The following RFTN1 variants were observed in gnomAD, a reference collection of about 807,000 sequenced individuals.
RFTN1 encodes the protein raftlin.
RFTN1 carries 26 observed loss-of-function variants against 46.5 expected under a neutral mutation model. The observed-to-expected ratio is 0.56, with a 90% CI of 0.41 to 0.78. RFTN1 has a LOEUF of 0.78. Ranked by LOEUF, RFTN1 falls within the 30% of genes least tolerant of loss-of-function variation. The pLI is 0.00. For missense variants in RFTN1, 693 were observed against 718.7 expected (o/e 0.96, Z 0.41); for synonymous variants, 261 against 284.2 (o/e 0.92, Z 0.82).
In RFTN1 at chr3:16,506,461, C is replaced by T. The variant is rs1489400540; in HGVS notation, c.-9+6981G>A. Among the ~76,000 whole-genome samples, 2 of 151,996 alleles carry T rather than the reference C, an allele frequency of 1.3e-5. No homozygotes were observed. The highest frequency in any genetic ancestry group is 3.9e-4 in the East Asian group (2 of 5,178). On this transcript the variant is annotated intron_variant, in intron 1 of 9. Transcript: ENST00000334133. The surrounding 1 kb of genome is among the most constrained non-coding windows in gnomAD (Gnocchi z 4.8). ...CATGACTGACCATGACAGCAGGGAA[C>T]CCAGATGACAGTAAGTAGAGGTGTG...
Position 16,509,240 on chromosome 3 carries a change from TCA to T in RFTN1, c.-9+4200_-9+4201del. ...AACTAAAGAAAATGATTGCAGTGTA[TCA>T]TTTCCTGTAACGCTGTTCTGATTAT... On this transcript the variant is annotated intron_variant, in intron 1 of 9. Transcript: ENST00000334133. The surrounding 1 kb of genome is among the most constrained non-coding windows in gnomAD (Gnocchi z 4.9). 2.0e-5 allele frequency among the ~76,000 whole-genome samples: 3 copies of T among 152,314 alleles called. No homozygotes were observed. In the East Asian group the frequency reaches 5.8e-4, roughly 29 times the overall value.
At chr3:16,330,246 C>G (rs2070175906) in intron 7 of RFTN1, among the ~76,000 whole-genome samples, 4 of 152,200 alleles carry the variant, frequency 2.6e-5, no homozygotes, top group Admixed American at 2.6e-4. Context: ...AGATGTTGCA[C>G]TCTGCCAGAC....
intron 3 of RFTN1, among the ~76,000 whole-genome samples, chr3:16,431,878 G>T (rs987138775): frequency 6.6e-6 from 1 of 152,162 alleles, no homozygotes; most frequent in Non-Finnish European, 1.5e-5. Flanking sequence ...GTGGGTAAAG[G>T]AACTCAGCAC....
rs1435358445 is a variant in RFTN1, at chr3:16,509,112, C to T, written c.-9+4330G>A. Among the ~76,000 whole-genome samples, 2 of 152,066 alleles carry T rather than the reference C, an allele frequency of 1.3e-5. No homozygotes were observed. The highest frequency in any genetic ancestry group is 2.9e-5 in the Non-Finnish European group (2 of 68,018). On this transcript the variant is annotated intron_variant, in intron 1 of 9. Transcript: ENST00000334133. The surrounding 1 kb of genome is among the most constrained non-coding windows in gnomAD (Gnocchi z 4.9). ...CAATAAAATTGTAATCCTAATCAAC[C>T]AATAATATTTTAAATTATCATCAAA...
In RFTN1 at chr3:16,483,132, C is replaced by T. The variant is rs1445212258; in HGVS notation, c.145+10593G>A. The stretch of plus-strand genomic sequence containing the variant: ...ATGTTATAGATGGATTTGTTATGTT[C>T]TAAAACTGCAGGTATCATATTTACA... On this transcript the variant is annotated intron_variant, in intron 2 of 9. Transcript: ENST00000334133. The surrounding 1 kb of genome is among the most constrained non-coding windows in gnomAD (Gnocchi z 4.8). Among the ~76,000 whole-genome samples, 1 of 152,146 alleles carries T rather than the reference C, an allele frequency of 6.6e-6. No homozygotes were observed.
chr3:16,327,572 A>G lies in RFTN1; in HGVS notation c.1147-696T>C, dbSNP rs2069837233. Among the ~76,000 whole-genome samples, 1 of 152,060 alleles carries G rather than the reference A, an allele frequency of 6.6e-6. No homozygotes were observed. Among genetic ancestry groups the G allele is most frequent in the African/African-American group, 2.4e-5 (1 of 41,396 alleles). ...CAGGAGATCAAGACCATCCTGGCTA[A>G]CACAGTGAAACCCCGTCTCTACTAA... On this transcript the variant is annotated intron_variant, in intron 7 of 9. Coordinates refer to ENST00000334133, the MANE Select transcript of RFTN1 (RefSeq NM_015150.2). The surrounding 1 kb of genome is among the most constrained non-coding windows in gnomAD (Gnocchi z 4.2).
Position 16,468,163 on chromosome 3 carries a change from G to A in RFTN1, c.145+25562C>T, listed in dbSNP as rs1207513555. Among the ~76,000 whole-genome samples the A allele has an allele frequency of 2.0e-5, 3 of 152,188 alleles. No homozygotes were observed. The East Asian group carries it at 5.8e-4, about 29-fold the overall frequency. On this transcript the variant is annotated intron_variant, in intron 2 of 9. Coordinates refer to ENST00000334133, the MANE Select transcript of RFTN1 (RefSeq NM_015150.2). The surrounding 1 kb of genome is among the most constrained non-coding windows in gnomAD (Gnocchi z 4.4). ...GCTATATTTATATCCCACGGCTGGT[G>A]ATGCCTCAGCACACTTCACTCTCTA...
chr3:16,364,969 A>C (rs944435437), intron 6 of RFTN1, among the ~76,000 whole-genome samples: 1 of 152,236 alleles, frequency 6.6e-6, no homozygotes, highest in African/African-American at 2.4e-5. Flanking sequence ...TCACCTTGTG[A>C]AAAGCCACTG....
Position 16,468,869 on chromosome 3 carries a change from C to T in RFTN1, c.145+24856G>A, listed in dbSNP as rs966072424. On this transcript the variant is annotated intron_variant, in intron 2 of 9. Transcript: ENST00000334133. This position sits in a 1 kb window ranked among gnomAD's most constrained non-coding sequence, Gnocchi z 4.4. ...AATTAGACACAGCCAGAAAAGGGTACGTATGCTTCCCCTTCCTGTGGCTGG... is the reference window on the plus strand; with the variant it reads ...AATTAGACACAGCCAGAAAAGGGTATGTATGCTTCCCCTTCCTGTGGCTGG... Among the ~76,000 whole-genome samples, 2 of 152,210 alleles carry T rather than the reference C, an allele frequency of 1.3e-5. No individual in the cohort carries two copies. The highest frequency in any genetic ancestry group is 2.1e-4 in the South Asian group (1 of 4,828).
chr3:16,467,131 G>A (rs946557241), intron 2 of RFTN1, among the ~76,000 whole-genome samples: 6 of 152,150 alleles, frequency 3.9e-5, no homozygotes, highest in Non-Finnish European at 7.4e-5. Flanking sequence ...AATCATGATC[G>A]TAGTCCACTC....
chr3:16,505,545 C>T (rs2076789901), intron 1 of RFTN1, among the ~76,000 whole-genome samples: 2 of 152,154 alleles, frequency 1.3e-5, no homozygotes, highest in Admixed American at 6.5e-5. Context: ...TCAGGGCAGG[C>T]CAGAAGGCTG....
chr3:16,378,193 G>A, intron 4 of RFTN1, 91 bp from the exon 5 acceptor site: 1 of 1,138,642 alleles, frequency 8.8e-7, no homozygotes, highest in Non-Finnish European at 1.3e-6. Flanking sequence ...CCCGAGGCCT[G>A]CGAGGCTGTT....
In RFTN1 at chr3:16,341,850, A is replaced by T. The variant is rs1559838356; in HGVS notation, c.1147-14974T>A. Among the ~76,000 whole-genome samples the T allele has an allele frequency of 1.3e-5, 2 of 152,366 alleles. No individual in the cohort carries two copies. The highest frequency in any genetic ancestry group is 4.1e-4 in the South Asian group (2 of 4,828). ...CATACAAAAATGTATAACAGTTTGAAGAGTATGATACCATTTTTGTAAAAA... is the reference window on the plus strand; with the variant it reads ...CATACAAAAATGTATAACAGTTTGATGAGTATGATACCATTTTTGTAAAAA... On this transcript the variant is annotated intron_variant, in intron 7 of 9. Coordinates refer to ENST00000334133, the MANE Select transcript of RFTN1 (RefSeq NM_015150.2). This position sits in a 1 kb window ranked among gnomAD's most constrained non-coding sequence, Gnocchi z 4.7.
rs979058044 is a variant in RFTN1 at position 16,512,146 on chromosome 3, A to G, written c.-9+1296T>C. Among the ~76,000 whole-genome samples the G allele has an allele frequency of 4.6e-5, 7 of 152,108 alleles. No homozygotes were observed. The highest frequency in any genetic ancestry group is 1.7e-4 in the African/African-American group (7 of 41,412). ...TTTGGTGACATCTGGGGTCACTTGA[A>G]CTTCGTTGGGATTCAGCTGTTCAGA... On this transcript the variant is annotated intron_variant, in intron 1 of 9. Transcript: ENST00000334133. This position sits in a 1 kb window ranked among gnomAD's most constrained non-coding sequence, Gnocchi z 4.3.
intron 7 of RFTN1, among the ~76,000 whole-genome samples, chr3:16,355,879 A>G (rs374104356): frequency 1.3e-4 from 20 of 152,330 alleles, no homozygotes; most frequent in African/African-American, 4.6e-4. Flanking sequence ...ATCCTTTTTG[A>G]GGAACCACAG....
chr3:16,364,749 G>A (rs940999735), intron 6 of RFTN1, among the ~76,000 whole-genome samples: 2 of 152,202 alleles, frequency 1.3e-5, no homozygotes, highest in African/African-American at 4.8e-5. Flanking sequence ...ACAGCAATGA[G>A]AGAAAATGGT....
Position 16,425,981 on chromosome 3 carries a change from C to G in RFTN1, c.332+7870G>C, listed in dbSNP as rs955852896. Among the ~76,000 whole-genome samples the G allele has an allele frequency of 6.6e-6, 1 of 152,134 alleles. No homozygotes were observed. Among genetic ancestry groups the G allele is most frequent in the Non-Finnish European group, 1.5e-5 (1 of 68,030 alleles). ...TGCCAGCAACGGGTGTTCGCCCCAC[C>G]TAAATCGGAATCCAAAATAACGACC... On this transcript the variant is annotated intron_variant, in intron 3 of 9. Transcript: ENST00000334133. The surrounding 1 kb of genome is among the most constrained non-coding windows in gnomAD (Gnocchi z 4.3).
intron 2 of RFTN1, among the ~76,000 whole-genome samples, chr3:16,485,858 C>T (rs533357627): frequency 1.3e-5 from 2 of 152,234 alleles, no homozygotes; most frequent in Non-Finnish European, 1.5e-5. Flanking sequence ...CTTTCATGTG[C>T]GGTGGATAAG....
rs1196547606 is a variant in RFTN1, at chr3:16,451,100, C to T, written c.146-17063G>A. Among the ~76,000 whole-genome samples, 4 of 152,198 alleles carry T rather than the reference C, an allele frequency of 2.6e-5. No individual in the cohort carries two copies. Among genetic ancestry groups the T allele is most frequent in the African/African-American group, 9.7e-5 (4 of 41,450 alleles). On this transcript the variant is annotated intron_variant, in intron 2 of 9. Transcript: ENST00000334133. This position sits in a 1 kb window ranked among gnomAD's most constrained non-coding sequence, Gnocchi z 4.2. ...TGGATAAACTCTCATTATGAGAAAA[C>T]ATGCAGACAGAAGATCAGGTCTCCA...
Sources: gnomAD v4.1 joint callset for allele counts (sites outside exome capture counted in the v4.1 genomes callset) on GRCh38, gnomAD v4.1.1 for gene constraint, Gnocchi (gnomAD v3.1) non-coding constraint, MANE v1.5 for transcripts, NCBI Gene and HGNC (gene_info 2026-07-23, HGNC 2026-07-21) for gene names.